The following LNPK variants were observed in gnomAD, a reference collection of about 807,000 sequenced individuals.
The protein encoded by LNPK is lunapark, ER junction formation factor.
In LNPK, 29 loss-of-function variants were observed where a neutral mutation model predicts 55.2. The ratio of observed to expected loss-of-function variants is 0.53; its 90% CI spans 0.39 to 0.72. The LOEUF (loss-of-function observed/expected upper bound fraction) is 0.72, where lower values mean the gene tolerates loss of function less well. Ranked by LOEUF, LNPK falls within the 30% of genes least tolerant of loss-of-function variation. The pLI is 0.00. For synonymous variants in LNPK, 162 were observed against 168.2 expected, an observed-to-expected ratio of 0.96 and a Z score of 0.29; for missense variants, 467 against 494.8, an observed-to-expected ratio of 0.94 and a Z score of 0.53.
chr2:175,964,494 T>G lies in LNPK; in HGVS notation c.441+12A>C. ...AATTTATAATAAAATAGTAGTGATA[T>G]CACAGTCTTACCTTTGCTTTCTTTG... On this transcript the variant is annotated intron_variant, in intron 7 of 12. Transcript: ENST00000272748. 1.9e-6 allele frequency: 3 copies of G among 1,589,406 alleles called. No homozygotes were observed. The highest frequency in any genetic ancestry group is 2.6e-6 in the Non-Finnish European group (3 of 1,157,546).
chr2:175,978,763 G>A (rs1335213924), intron 5 of LNPK, among the ~76,000 whole-genome samples: 3 of 152,156 alleles, frequency 2.0e-5, no homozygotes, highest in African/African-American at 7.2e-5. Context: ...ACCTGTAAAT[G>A]TATTTAATCA....
At chr2:175,961,995 A>G (rs1028078493) in intron 8 of LNPK, among the ~76,000 whole-genome samples, 1 of 152,252 alleles carries the variant, frequency 6.6e-6, no homozygotes, top group African/African-American at 2.4e-5. Context: ...CCAACTTACA[A>G]GAGATGTGAA....
In LNPK at chr2:175,992,284, A is replaced by G; in HGVS notation, c.204T>C (p.Asp68=). 6.4e-7 allele frequency: 1 copy of G among 1,571,566 alleles called. No individual in the cohort carries two copies. Among genetic ancestry groups the G allele is most frequent in the African/African-American group, 1.4e-5 (1 of 72,052 alleles). The change falls in exon 4 of 13, where the codon GAT becomes GAC. Residue 68 remains aspartate, a synonymous_variant. Coordinates refer to ENST00000272748, the MANE Select transcript of LNPK (RefSeq NM_030650.3). The part of the protein sequence containing the change: ...CLIVYLWYLP[D]EFTARLAMTL... ...TCATGGCAAGTCTTGCTGTAAATTC[A>G]TCAGGAAGATACCACAAATATACAA...
chr2:175,955,549 A>G (rs1321297740), intron 8 of LNPK, among the ~76,000 whole-genome samples: 2 of 152,254 alleles, frequency 1.3e-5, no homozygotes, highest in Non-Finnish European at 2.9e-5. Context: ...CAATTGTAAC[A>G]GTATGAATTT....
rs1400182296 is a variant in LNPK, at chr2:176,002,209, C to A, written c.-112G>T. ...CCCGGGCGTCCACCCCCGCCAGTCT[C>A]GGCCGCCACCGCCCAGCCTGCCTCC... is the stretch of plus-strand genomic sequence containing the variant. On this transcript the variant is annotated 5_prime_UTR_variant, in exon 1 of 13. Coordinates refer to ENST00000272748, the MANE Select transcript of LNPK (RefSeq NM_030650.3). 1 of 450,706 alleles carries A rather than the reference C, an allele frequency of 2.2e-6. No homozygotes were observed. Among genetic ancestry groups the A allele is most frequent in the East Asian group, 7.2e-5 (1 of 13,808 alleles). 27.9% of individuals were successfully genotyped at this position (450,706 alleles called of 1,614,324 possible).
At chr2:175,990,098 G>A (rs571460665) in intron 4 of LNPK, among the ~76,000 whole-genome samples, 1 of 152,238 alleles carries the variant, frequency 6.6e-6, no homozygotes, top group Admixed American at 6.5e-5. Context: ...AAGTAAATCC[G>A]AGTCCAGCCC....
intron 12 of LNPK, among the ~76,000 whole-genome samples, chr2:175,933,568 A>T (rs1574801773): frequency 6.6e-6 from 1 of 152,112 alleles, no homozygotes; most frequent in Non-Finnish European, 1.5e-5. Flanking sequence ...GCTAACTCAT[A>T]TTTAAGAAAC....
intron 12 of LNPK, 76 bp from the exon 13 acceptor site, chr2:175,930,275 A>AACACACACAC (rs35338571): frequency 9.5e-5 from 63 of 661,370 alleles, no homozygotes; most frequent in African/African-American, 7.0e-4. Flanking sequence ...AAAAAAGATA[A>AACACACACAC]ACACACACAC....
At chr2:175,978,280 G>A (rs906071669) in intron 5 of LNPK, among the ~76,000 whole-genome samples, 11 of 152,026 alleles carry the variant, frequency 7.2e-5, no homozygotes, top group Admixed American at 6.6e-5. Flanking sequence ...AAAGTATGCA[G>A]GAGGATGTGT....
chr2:175,994,326 C>A (rs1687836799), intron 2 of LNPK: 1 of 984,394 alleles, frequency 1.0e-6, no homozygotes, highest in Non-Finnish European at 1.2e-6. Flanking sequence ...GATCCTTGGG[C>A]AGATTATTAT....
chr2:175,980,518 T>G (rs776354276), intron 4 of LNPK, among the ~76,000 whole-genome samples: 14 of 152,202 alleles, frequency 9.2e-5, no homozygotes, highest in African/African-American at 1.4e-4. Flanking sequence ...TAAAAGAAAC[T>G]AAATGAATAA....
chr2:175,995,066 C>T (rs889013121), intron 2 of LNPK, among the ~76,000 whole-genome samples: 3 of 151,744 alleles, frequency 2.0e-5, no homozygotes, highest in African/African-American at 4.8e-5. Context: ...GGATTACAGG[C>T]GCGCAACACT....
chr2:175,930,431 C>A (rs1297468962), intron 12 of LNPK, among the ~76,000 whole-genome samples: 2 of 151,756 alleles, frequency 1.3e-5, no homozygotes, highest in Admixed American at 6.6e-5. Flanking sequence ...AGGAAAAAAA[C>A]CCATAAATAT....
At chr2:175,957,750 G>A (rs951640372) in intron 8 of LNPK, among the ~76,000 whole-genome samples, 9 of 152,182 alleles carry the variant, frequency 5.9e-5, no homozygotes, top group Admixed American at 2.6e-4. Flanking sequence ...GAAGCAGGGC[G>A]GGGCATTGCC....
At chr2:175,930,326 C>T in intron 12 of LNPK, 127 bp from the exon 13 acceptor site, 2 of 644,768 alleles carry the variant, frequency 3.1e-6, no homozygotes, top group African/African-American at 1.9e-5. Flanking sequence ...ACAAAGAAAC[C>T]ATACAATTGT....
chr2:175,992,528 G>T, intron 3 of LNPK, 110 bp from the exon 4 acceptor site: 1 of 608,714 alleles, frequency 1.6e-6, no homozygotes, highest in Non-Finnish European at 2.7e-6. Context: ...CTTATTTAAA[G>T]TTCAGTAAAG....
chr2:175,977,775 A>C (rs1370791856), intron 5 of LNPK, among the ~76,000 whole-genome samples: 4 of 152,216 alleles, frequency 2.6e-5, no homozygotes, highest in Non-Finnish European at 5.9e-5. Flanking sequence ...ATTTTTTAAA[A>C]AATTTTTGTT....
chr2:175,959,790 T>C lies in LNPK; in HGVS notation c.493+4582A>G, dbSNP rs539031721. The stretch of plus-strand genomic sequence containing the variant: ...GCAAACTGGATAGAGTCAAGACCCA[T>C]CAGTGTGCTGTATTCAGGAAACCCA... On this transcript the variant is annotated intron_variant, in intron 8 of 12. Transcript: ENST00000272748. 2.6e-5 allele frequency among the ~76,000 whole-genome samples: 4 copies of C among 152,050 alleles called. No individual in the cohort carries two copies. The South Asian group carries it at 8.3e-4, about 32-fold the overall frequency.
In LNPK at chr2:175,926,915, T is replaced by G. The variant is rs1684032652; in HGVS notation, c.*3052A>C. The G allele has an allele frequency of 6.6e-6, 1 of 152,196 alleles. No individual in the cohort carries two copies. The highest frequency in any genetic ancestry group is 2.1e-4 in the South Asian group (1 of 4,834). 9.4% of individuals were successfully genotyped at this position (152,196 alleles called of 1,614,324 possible). ...TGTTCATTCTTGAATATATGGATTG[T>G]GAGAGACAGGCCAGTAGGCAGGCAA... On this transcript the variant is annotated 3_prime_UTR_variant, in exon 13 of 13. Coordinates refer to ENST00000272748, the MANE Select transcript of LNPK (RefSeq NM_030650.3).
Sources: gnomAD v4.1 joint callset for allele counts (sites outside exome capture counted in the v4.1 genomes callset) on GRCh38, gnomAD v4.1.1 for gene constraint, MANE v1.5 for transcripts, NCBI Gene and HGNC (gene_info 2026-07-23, HGNC 2026-07-21) for gene names.